Variants in FANCM observed in about 807,000 individuals in gnomAD.
The protein encoded by FANCM is Fanconi anemia group M protein.
Under a neutral mutation model 199.5 loss-of-function variants are expected in FANCM, and 140 were observed. The observed-to-expected ratio is 0.70, with a 90% CI of 0.61 to 0.81. The LOEUF (loss-of-function observed/expected upper bound fraction) is 0.81, where lower values mean the gene tolerates loss of function less well. FANCM is among the 30% of genes least tolerant of loss of function. The pLI, the probability that FANCM is intolerant of heterozygous loss-of-function variation, is 0.00. For missense variants in FANCM, 2,410 were observed against 2,421.4 expected (o/e 1.00, Z 0.10); for synonymous variants, 840 against 836.8 (o/e 1.00, Z -0.07).
chr14:45,137,164 G>T lies in FANCM; in HGVS notation c.604G>T (p.Ala202Ser), dbSNP rs1885579310. 1 of 1,613,858 alleles carries T rather than the reference G, an allele frequency of 6.2e-7. No individual in the cohort carries two copies. ...QVMVNDLSRG[A>S]CPAAEIKCLV... ...CATGGTAAATGACCTTTCTAGAGGA[G>T]CTTGTCCCGCTGCTGAAATAAAGTG... The change falls in exon 2 of 23, where the codon GCT (alanine) becomes TCT (serine). Residue 202 changes from alanine to serine, a missense_variant. Transcript: ENST00000267430.
intron 16 of FANCM, among the ~76,000 whole-genome samples, chr14:45,182,533 G>GT (rs565219151): frequency 2.0e-5 from 3 of 152,298 alleles, no homozygotes; most frequent in African/African-American, 7.2e-5. Context: ...TGAGTTTGAA[G>GT]TTTCTGTGGG....
At chr14:45,138,225 T>C (rs1885662248) in intron 2 of FANCM, among the ~76,000 whole-genome samples, 1 of 152,088 alleles carries the variant, frequency 6.6e-6, no homozygotes, top group Non-Finnish European at 1.5e-5. Flanking sequence ...GTTAAAACTA[T>C]AGTAGTTGGT....
At chr14:45,162,864 C>CTT (rs145423568) in intron 9 of FANCM, among the ~76,000 whole-genome samples, 1 of 148,484 alleles carries the variant, frequency 6.7e-6, no homozygotes, top group African/African-American at 2.5e-5. Context: ...GCACTGTGGC[C>CTT]TTTTTTTTTT....
At chr14:45,166,153 A>C (rs866551073) in intron 10 of FANCM, among the ~76,000 whole-genome samples, 2 of 151,778 alleles carry the variant, frequency 1.3e-5, no homozygotes, top group African/African-American at 4.8e-5. Flanking sequence ...AACAAAAAAA[A>C]CGGAGTCTTG....
intron 3 of FANCM, 98 bp from the exon 4 acceptor site, chr14:45,148,739 T>G (rs1886606990): frequency 3.9e-6 from 3 of 762,970 alleles, no homozygotes; most frequent in Non-Finnish European, 6.6e-6. Context: ...TTTCTGGTGC[T>G]TCTTTCAAAA....
intron 2 of FANCM, among the ~76,000 whole-genome samples, chr14:45,139,758 C>G (rs916483158): frequency 2.6e-5 from 4 of 152,134 alleles, no homozygotes; most frequent in Non-Finnish European, 4.4e-5. Flanking sequence ...CCAGGGATCA[C>G]TTGAGGCCAG....
chr14:45,183,667 A>G (rs1594808170), intron 16 of FANCM, 107 bp from the exon 17 acceptor site: 1 of 705,120 alleles, frequency 1.4e-6, no homozygotes, highest in Non-Finnish European at 2.4e-6. Context: ...TATTTATAAC[A>G]TTAATATTAT....
In FANCM at chr14:45,175,454, A is replaced by G. The variant is rs1594798013; in HGVS notation, c.2700A>G (p.Thr900=). The G allele has an allele frequency of 2.5e-6, 4 of 1,606,176 alleles. No individual in the cohort carries two copies. In the Admixed American group the frequency reaches 6.8e-5, roughly 27 times the overall value. The stretch of plus-strand genomic sequence containing the variant: ...AAGACCTACCAAATGATAAAAGGAC[A>G]TCAGATACAGATGAAATTGCTGCCA... ...FQEDLPNDKR[T]SDTDEIAATC... is the part of the protein sequence containing the mutation. Residue 900 remains threonine (T), a synonymous_variant, in exon 14 of 23, where the codon ACA becomes ACG. Coordinates refer to ENST00000267430, the MANE Select transcript of FANCM (RefSeq NM_020937.4).
chr14:45,163,923 T>C (rs139716613), intron 9 of FANCM, among the ~76,000 whole-genome samples: 8 of 152,340 alleles, frequency 5.3e-5, no homozygotes, highest in African/African-American at 1.4e-4. Context: ...TTTCCTATTC[T>C]ATACTATCCT....
chr14:45,147,904 C>CG (rs1555360396), intron 3 of FANCM, among the ~76,000 whole-genome samples: 3 of 149,712 alleles, frequency 2.0e-5, no homozygotes, highest in African/African-American at 5.0e-5. Flanking sequence ...ACCGCCCCCC[C>CG]CCCAAAAAAA....
intron 3 of FANCM, among the ~76,000 whole-genome samples, chr14:45,147,897 G>GC (rs369490952): frequency 0.083 from 10,444 of 125,892 alleles, 422 homozygotes; most frequent in Non-Finnish European, 0.11. Flanking sequence ...GTTCCAAACC[G>GC]CCCCCCCCCC....
At chr14:45,142,846 G>T (rs962733660) in intron 3 of FANCM, among the ~76,000 whole-genome samples, 1 of 152,006 alleles carries the variant, frequency 6.6e-6, no homozygotes, top group African/African-American at 2.4e-5. Context: ...TAGTTAAGAT[G>T]ATGTCTTCTT....
chr14:45,142,251 A>G (rs1594757266), intron 3 of FANCM, among the ~76,000 whole-genome samples: 1 of 151,240 alleles, frequency 6.6e-6, no homozygotes, highest in East Asian at 1.9e-4. Flanking sequence ...CTGTGATCTC[A>G]CATTGTGTTG....
chr14:45,180,687 G>C (rs1048045916), intron 14 of FANCM: 1 of 152,244 alleles, frequency 6.6e-6, no homozygotes, highest in African/African-American at 2.4e-5. Flanking sequence ...CTGCCTCCTC[G>C]GCCTCCCAAA....
In FANCM at chr14:45,136,397, C is replaced by T. The variant is rs770311755; in HGVS notation, c.366C>T (p.Ala122=). The T allele has an allele frequency of 1.2e-6, 2 of 1,614,048 alleles. No homozygotes were observed. Among genetic ancestry groups the T allele is most frequent in the Admixed American group, 3.3e-5 (2 of 60,006 alleles). ...PTGLGKTFIA[A]VVMYNFYRWF... ...GACTGGGAAAGACCTTTATTGCCGCCGTGGTCATGTACAATTTCTACCGCT... is the reference window on the plus strand; with the variant it reads ...GACTGGGAAAGACCTTTATTGCCGCTGTGGTCATGTACAATTTCTACCGCT... Residue 122 remains alanine (A), a synonymous_variant, in exon 1 of 23, where the codon GCC becomes GCT. Transcript: ENST00000267430.
intron 3 of FANCM, among the ~76,000 whole-genome samples, chr14:45,141,486 C>A: frequency 8.1e-6 from 1 of 124,036 alleles, no homozygotes; most frequent in Non-Finnish European, 1.6e-5. Flanking sequence ...CCCCTCCCCT[C>A]CCCTTTCTCC....
At chr14:45,164,230 C>T (rs1174932179) in intron 9 of FANCM, 129 bp from the exon 10 acceptor site, 4 of 765,702 alleles carry the variant, frequency 5.2e-6, no homozygotes, top group Non-Finnish European at 9.0e-6. Flanking sequence ...CAGGCATGAG[C>T]TGTGGCCAGC....
chr14:45,148,310 A>G (rs1306412472), intron 3 of FANCM, among the ~76,000 whole-genome samples: 1 of 151,658 alleles, frequency 6.6e-6, no homozygotes, highest in Non-Finnish European at 1.5e-5. Context: ...TCGCACTGTC[A>G]GTACCATAGT....
rs1885474054 is a variant in FANCM, at chr14:45,136,138, G to A, written c.107G>A (p.Gly36Asp). ...GGAACTGAGCGACCTCAGAGCCCTG[G>A]CAGCTCCAAGGCGCCTTTGCCAGCA... ...SSGTERPQSP[G>D]SSKAPLPAAA... The change falls in exon 1 of 23, where the codon GGC becomes GAC. Residue 36 changes from glycine to aspartate, a missense_variant. Transcript: ENST00000267430. The A allele has an allele frequency of 6.2e-7, 1 of 1,614,054 alleles. No homozygotes were observed.
Sources: gnomAD v4.1 joint callset for allele counts (sites outside exome capture counted in the v4.1 genomes callset) on GRCh38, gnomAD v4.1.1 for gene constraint, MANE v1.5 for transcripts, NCBI Gene and HGNC (gene_info 2026-07-23, HGNC 2026-07-21) for gene names.